Variants in ZNF709 observed in about 807,000 individuals in gnomAD.
ZNF709 encodes the protein zinc finger protein 709.
A neutral mutation model predicts 10.6 loss-of-function variants in ZNF709; 15 were observed. The ratio of observed to expected loss-of-function variants is 1.41; its 90% confidence interval spans 0.95 to 2.18. The LOEUF is 2.18. ZNF709 is among the 30% of genes most tolerant of loss of function. The pLI is 0.00. For synonymous variants in ZNF709, 194 were observed against 238.8 expected (o/e 0.81, Z 1.73); for missense variants, 589 against 774.0 (o/e 0.76, Z 2.84).
At chr19:12,477,715 T>C (rs1250304323) in intron 1 of ZNF709, among the ~76,000 whole-genome samples, 1 of 152,220 alleles carries the variant, frequency 6.6e-6, no homozygotes, top group Non-Finnish European at 1.5e-5. Context: ...TTTATCTTTT[T>C]TGCCGTCTAA....
At chr19:12,469,662 A>C (rs12982237) in intron 1 of ZNF709, among the ~76,000 whole-genome samples, 1 of 150,628 alleles carries the variant, frequency 6.6e-6, no homozygotes, top group Non-Finnish European at 1.5e-5. Flanking sequence ...CCAGCTACTC[A>C]GGAGGCTGAG....
intron 1 of ZNF709, among the ~76,000 whole-genome samples, chr19:12,478,677 G>A (rs566335189): frequency 6.6e-6 from 1 of 152,368 alleles, no homozygotes; most frequent in African/African-American, 2.4e-5. Context: ...GGGGAAAGCA[G>A]GGCAGGCTGC....
At chr19:12,466,378 T>C in intron 3 of ZNF709, 84 bp downstream of exon 3, 1 of 1,343,570 alleles carries the variant, frequency 7.4e-7, no homozygotes, top group Non-Finnish European at 1.0e-6. Flanking sequence ...GGGGCTTATT[T>C]GTTTCAATTA....
At chr19:12,480,681 T>C (rs901998250) in intron 1 of ZNF709, among the ~76,000 whole-genome samples, 5 of 98,532 alleles carry the variant, frequency 5.1e-5, no homozygotes, top group African/African-American at 1.6e-4. Context: ...AGACTCCGTC[T>C]CAAAAAAAAA....
Position 12,484,795 on chromosome 19 carries a change from T to C in ZNF709, c.-138A>G. On this transcript the variant is annotated 5_prime_UTR_variant, in exon 1 of 4. Transcript: ENST00000397732. The stretch of plus-strand genomic sequence containing the variant: ...CCCCAGAGCGGAGCGCAGCGGCTGG[T>C]AGCCACGCCCTCGCCGTTTGCGCAG... The C allele has an allele frequency of 2.5e-6, 3 of 1,195,792 alleles. No homozygotes were observed. Among genetic ancestry groups the C allele is most frequent in the Non-Finnish European group, 3.6e-6 (3 of 841,580 alleles). 74.1% of individuals were successfully genotyped at this position (1,195,792 alleles called of 1,614,324 possible).
chr19:12,470,454 G>C (rs1243874811), intron 1 of ZNF709, among the ~76,000 whole-genome samples: 1 of 152,158 alleles, frequency 6.6e-6, no homozygotes, highest in Non-Finnish European at 1.5e-5. Flanking sequence ...GTGTGCAGAA[G>C]ACTGTTAACA....
At chr19:12,480,317 C>T (rs549483359) in intron 1 of ZNF709, among the ~76,000 whole-genome samples, 74 of 152,224 alleles carry the variant, frequency 4.9e-4, no homozygotes, top group African/African-American at 1.7e-3. Context: ...TATTATAATG[C>T]ATTAGCATTT....
At chr19:12,468,985 C>T (rs545785197) in intron 1 of ZNF709, among the ~76,000 whole-genome samples, 4 of 152,068 alleles carry the variant, frequency 2.6e-5, no homozygotes, top group African/African-American at 7.2e-5. Flanking sequence ...GGACTACTGG[C>T]GCCCGCCACT....
Position 12,462,915 on chromosome 19 carries a change from A to G in ZNF709, c.*1081T>C, listed in dbSNP as rs1031397918. ...ATCAATTCAACTTGTGTACAACTGT[A>G]TAAGAGCTTACAGAATTATCTCATC... is the stretch of plus-strand genomic sequence containing the variant. On this transcript the variant is annotated 3_prime_UTR_variant, in exon 4 of 4. Coordinates refer to ENST00000397732, the MANE Select transcript of ZNF709 (RefSeq NM_152601.4). 8 of 152,238 alleles carry G rather than the reference A, an allele frequency of 5.3e-5. No homozygotes were observed. Among genetic ancestry groups the G allele is most frequent in the African/African-American group, 1.9e-4 (8 of 41,470 alleles). 9.4% of individuals were successfully genotyped at this position (152,238 alleles called of 1,614,324 possible). A position where few individuals can be genotyped will look rare whatever the true frequency, so the allele number is the denominator to read the frequency against.
chr19:12,465,811 A>C, intron 3 of ZNF709, 78 bp from the exon 4 acceptor site: 1 of 1,181,372 alleles, frequency 8.5e-7, no homozygotes, highest in African/African-American at 1.6e-5. Context: ...TGATTATTTC[A>C]CAATCATTAG....
At position 12,464,089 on chromosome 19, in the gene ZNF709, AGT is replaced by A; in HGVS notation, c.1831_1832del (p.Thr611TrpfsTer12). On this transcript the variant is annotated frameshift_variant, in exon 4 of 4. Transcript: ENST00000397732. LOFTEE classifies it low-confidence loss of function (END_TRUNC). ...GTTGACATGCATAGGGTTTCTCTCC[AGT>A]GTGAGTTCGTTCATGGATTCGAAAG... ...RSFRIHERTHTGEKPYACQQC... is the reference protein window; with the variant it reads ...RSFRIHERTHXGEKPYACQQC... 6.4e-7 allele frequency: 1 copy of A among 1,561,148 alleles called. No homozygotes were observed. Among genetic ancestry groups the A allele is most frequent in the Non-Finnish European group, 8.6e-7 (1 of 1,158,874 alleles).
At chr19:12,469,498 G>A (rs1377455157) in intron 1 of ZNF709, among the ~76,000 whole-genome samples, 2 of 152,116 alleles carry the variant, frequency 1.3e-5, no homozygotes, top group African/African-American at 4.8e-5. Flanking sequence ...ACCAGGCGCG[G>A]TTGCTCACGC....
In ZNF709 at chr19:12,463,957, A is replaced by C; in HGVS notation, c.*39T>G. 2 of 1,324,858 alleles carry C rather than the reference A, an allele frequency of 1.5e-6. No individual in the cohort carries two copies. The highest frequency in any genetic ancestry group is 2.0e-6 in the Non-Finnish European group (2 of 1,010,766). The allele number at this position is 1,324,858 out of a possible 1,614,324, so 82.1% of individuals were successfully genotyped here. A position where few individuals can be genotyped will look rare whatever the true frequency, so the allele number is the denominator to read the frequency against. On this transcript the variant is annotated 3_prime_UTR_variant, in exon 4 of 4. Transcript: ENST00000397732. ...AAAAAAAAAAAAAAAAGGAAATAGG[A>C]CAACTGAAAACTTTGCCATATTGCT...
rs1970531197 is a variant in ZNF709, at chr19:12,463,171, G to A, written c.*825C>T. 1 of 152,148 alleles carries A rather than the reference G, an allele frequency of 6.6e-6. No homozygotes were observed. Among genetic ancestry groups the A allele is most frequent in the Non-Finnish European group, 1.5e-5 (1 of 68,032 alleles). The allele number at this position is 152,148 out of a possible 1,614,324, so 9.4% of individuals were successfully genotyped here. A position where few individuals can be genotyped will look rare whatever the true frequency, so the allele number is the denominator to read the frequency against. The stretch of plus-strand genomic sequence containing the variant: ...TTTCACACATAAGGGAGTATCACAT[G>A]AGCATTTGTTAAAATGGAAAACATT... On this transcript the variant is annotated 3_prime_UTR_variant, in exon 4 of 4. Transcript: ENST00000397732.
At chr19:12,465,837 C>T in intron 3 of ZNF709, 104 bp from the exon 4 acceptor site, 1 of 958,932 alleles carries the variant, frequency 1.0e-6, no homozygotes, top group Non-Finnish European at 1.4e-6. Context: ...AGTAGAATTA[C>T]ACTTTTGCCA....
chr19:12,469,711 G>C (rs191736236), intron 1 of ZNF709, among the ~76,000 whole-genome samples: 164 of 152,202 alleles, frequency 1.1e-3, no homozygotes, highest in South Asian at 6.4e-3. Flanking sequence ...AGAGCTTGCA[G>C]TGAGCCGAGA....
chr19:12,466,659 C>T, intron 2 of ZNF709, 65 bp downstream of exon 2: 1 of 1,612,528 alleles, frequency 6.2e-7, no homozygotes, highest in South Asian at 1.1e-5. Flanking sequence ...ACCTTGGAAC[C>T]TTGCTGATGA....
intron 3 of ZNF709, 48 bp from the exon 4 acceptor site, chr19:12,465,781 A>AT: frequency 7.6e-7 from 1 of 1,316,176 alleles, no homozygotes. Flanking sequence ...GCTTTTTAAA[A>AT]TTAATAATTT....
At position 12,463,252 on chromosome 19, in the gene ZNF709, T is replaced by G. The variant is rs886788514; in HGVS notation, c.*744A>C. 1 of 152,228 alleles carries G rather than the reference T, an allele frequency of 6.6e-6. No individual in the cohort carries two copies. The highest frequency in any genetic ancestry group is 1.5e-5 in the Non-Finnish European group (1 of 68,034). 9.4% of individuals were successfully genotyped at this position (152,228 alleles called of 1,614,324 possible). ...CAGTCTGCATTCTCACATATTAGTA[T>G]GTGGGCCAACTGAAGGCTTTCTCAC... On this transcript the variant is annotated 3_prime_UTR_variant, in exon 4 of 4. Transcript: ENST00000397732.
Sources: gnomAD v4.1 joint callset for allele counts (sites outside exome capture counted in the v4.1 genomes callset) on GRCh38, gnomAD v4.1.1 for gene constraint, MANE v1.5 for transcripts, NCBI Gene and HGNC (gene_info 2026-07-23, HGNC 2026-07-21) for gene names.